Variants in RAP1GDS1 observed in about 807,000 individuals in gnomAD.
RAP1GDS1 encodes Rap1 GTPase-GDP dissociation stimulator 1.
RAP1GDS1 carries 35 observed loss-of-function variants against 71.1 expected under a neutral mutation model. The ratio of observed to expected loss-of-function variants is 0.49; its 90% CI spans 0.38 to 0.65. RAP1GDS1 has a LOEUF of 0.65. RAP1GDS1 is among the 30% of genes least tolerant of loss of function. The pLI is 0.00. For missense variants in RAP1GDS1, 663 were observed against 706.1 expected (o/e 0.94, Z 0.69); for synonymous variants, 229 against 243.1 (o/e 0.94, Z 0.54).
intron 2 of RAP1GDS1, among the ~76,000 whole-genome samples, chr4:98,305,884 ATG>A (rs1729251021): frequency 6.6e-6 from 1 of 152,212 alleles, no homozygotes; most frequent in African/African-American, 2.4e-5. Context: ...CACAGAGAAA[ATG>A]TGTAAGAGAG....
At chr4:98,356,216 GTAT>G (rs1385262444) in intron 4 of RAP1GDS1, among the ~76,000 whole-genome samples, 3 of 152,036 alleles carry the variant, frequency 2.0e-5, no homozygotes, top group Non-Finnish European at 2.9e-5. Flanking sequence ...AAGCGCAGTA[GTAT>G]TATATTTCAG....
rs767931108 is a variant in RAP1GDS1, at chr4:98,434,038, G to A, written c.1543G>A (p.Ala515Thr). The change falls in exon 13 of 15, where the codon GCA becomes ACA. Residue 515 changes from alanine to threonine, a missense_variant. Transcript: ENST00000408927. ...IMQNEALVAL[A>T]LIAALELGTA... ...GCAGAATGAAGCTCTTGTTGCTTTGGCATTAATAGCAGCTTTAGAATTGGG... is the reference window on the plus strand; with the variant it reads ...GCAGAATGAAGCTCTTGTTGCTTTGACATTAATAGCAGCTTTAGAATTGGG... 3 of 1,613,666 alleles carry A rather than the reference G, an allele frequency of 1.9e-6. No individual in the cohort carries two copies. Among genetic ancestry groups the A allele is most frequent in the South Asian group, 1.1e-5 (1 of 91,058 alleles).
intron 2 of RAP1GDS1, among the ~76,000 whole-genome samples, chr4:98,324,075 C>T (rs1732490264): frequency 6.6e-6 from 1 of 151,244 alleles, no homozygotes; most frequent in African/African-American, 2.4e-5. Flanking sequence ...TTCAAAGTCT[C>T]AGGATACAAA....
At chr4:98,370,042 C>G (rs1439329823) in intron 4 of RAP1GDS1, among the ~76,000 whole-genome samples, 1 of 152,198 alleles carries the variant, frequency 6.6e-6, no homozygotes. Context: ...CCATTTTACT[C>G]TGAACACTTA....
At position 98,288,876 on chromosome 4, in the gene RAP1GDS1, C is replaced by T. The variant is rs189200483; in HGVS notation, c.5-4532C>T. Among the ~76,000 whole-genome samples, 415 of 152,194 alleles carry T rather than the reference C, an allele frequency of 2.7e-3. 3 individuals carry two copies. Among genetic ancestry groups the T allele is most frequent in the African/African-American group, 9.7e-3 (401 of 41,544 alleles). On this transcript the variant is annotated intron_variant, in intron 1 of 14. Coordinates refer to ENST00000408927, the MANE Select transcript of RAP1GDS1 (RefSeq NM_001100427.2). ...ATATCTTAACAGCAAGCATCTGTAG[C>T]CGCAGCAGCAGTGAAGAGAAGCATG...
chr4:98,276,922 A>G (rs1223398587), intron 1 of RAP1GDS1, among the ~76,000 whole-genome samples: 2 of 152,122 alleles, frequency 1.3e-5, no homozygotes, highest in Non-Finnish European at 2.9e-5. Context: ...TCAAATGATG[A>G]TATTATGGTT....
At chr4:98,383,911 A>C (rs1742362352) in intron 5 of RAP1GDS1, among the ~76,000 whole-genome samples, 1 of 151,586 alleles carries the variant, frequency 6.6e-6, no homozygotes, top group Non-Finnish European at 1.5e-5. Flanking sequence ...TTAGATGTTT[A>C]GAAAAATGAT....
intron 1 of RAP1GDS1, among the ~76,000 whole-genome samples, chr4:98,267,165 A>T (rs1302270352): frequency 1.3e-5 from 2 of 149,986 alleles, no homozygotes; most frequent in Non-Finnish European, 2.9e-5. Flanking sequence ...TTTATTAAGG[A>T]TATTAGCTTG....
At chr4:98,312,572 G>A (rs1451549987) in intron 2 of RAP1GDS1, among the ~76,000 whole-genome samples, 1 of 152,040 alleles carries the variant, frequency 6.6e-6, no homozygotes, top group Non-Finnish European at 1.5e-5. Flanking sequence ...TGTGTGGTAC[G>A]TTTGTGTTCT....
At chr4:98,313,435 C>G (rs1399659848) in intron 2 of RAP1GDS1, among the ~76,000 whole-genome samples, 1 of 152,136 alleles carries the variant, frequency 6.6e-6, no homozygotes. Context: ...GAAAATTAAC[C>G]ATCAGAAGTG....
chr4:98,326,181 C>G (rs1025279159), intron 2 of RAP1GDS1, among the ~76,000 whole-genome samples: 12 of 152,110 alleles, frequency 7.9e-5, no homozygotes, highest in Non-Finnish European at 1.3e-4. Flanking sequence ...CTTCCCTCTT[C>G]CAAACATATG....
chr4:98,421,214 C>T (rs1409734385), intron 11 of RAP1GDS1, 41 bp from the exon 12 acceptor site: 2 of 1,540,550 alleles, frequency 1.3e-6, no homozygotes, highest in Non-Finnish European at 1.8e-6. Context: ...AACTGATTGT[C>T]TGTTAGTGAT....
intron 10 of RAP1GDS1, 84 bp downstream of exon 10, chr4:98,418,875 C>A (rs769341293): frequency 2.4e-5 from 32 of 1,311,628 alleles, no homozygotes; most frequent in Admixed American, 6.2e-5. Flanking sequence ...GATTTGTGAA[C>A]CTGCTCTGAT....
chr4:98,387,756 A>G (rs970637315), intron 5 of RAP1GDS1, among the ~76,000 whole-genome samples: 4 of 152,202 alleles, frequency 2.6e-5, no homozygotes, highest in Non-Finnish European at 5.9e-5. Context: ...TGTCTTTCAC[A>G]CATAAGTGTT....
At chr4:98,372,265 C>CA (rs1334505561) in intron 4 of RAP1GDS1, among the ~76,000 whole-genome samples, 1 of 152,128 alleles carries the variant, frequency 6.6e-6, no homozygotes, top group Middle Eastern at 3.2e-3. Context: ...TAGGTTCAAG[C>CA]AATTCTTCTG....
intron 5 of RAP1GDS1, among the ~76,000 whole-genome samples, chr4:98,382,889 C>G (rs1742211205): frequency 6.6e-6 from 1 of 151,616 alleles, no homozygotes; most frequent in South Asian, 2.1e-4. Context: ...ACGTATGATA[C>G]ATGGTGGCAG....
intron 2 of RAP1GDS1, among the ~76,000 whole-genome samples, chr4:98,330,823 C>T (rs1418491798): frequency 6.4e-5 from 9 of 139,896 alleles, no homozygotes; most frequent in East Asian, 2.2e-4. Flanking sequence ...ACTGGGTGGC[C>T]GGGCAGAGGG....
intron 2 of RAP1GDS1, among the ~76,000 whole-genome samples, chr4:98,296,017 TA>T (rs1226885894): frequency 7.3e-6 from 1 of 136,280 alleles, no homozygotes; most frequent in Non-Finnish European, 1.5e-5. Flanking sequence ...GAAGAATCTG[TA>T]CTTGCTTTTT....
At chr4:98,279,465 A>C (rs1724730716) in intron 1 of RAP1GDS1, among the ~76,000 whole-genome samples, 1 of 151,014 alleles carries the variant, frequency 6.6e-6, no homozygotes, top group Non-Finnish European at 1.5e-5. Context: ...GATTGTTGGA[A>C]TTTTTTTTTC....
Sources: gnomAD v4.1 joint callset for allele counts (sites outside exome capture counted in the v4.1 genomes callset) on GRCh38, gnomAD v4.1.1 for gene constraint, MANE v1.5 for transcripts, NCBI Gene and HGNC (gene_info 2026-07-23, HGNC 2026-07-21) for gene names.